SOD2: variants seen among roughly 807,000 people sequenced by gnomAD.
SOD2 encodes the protein superoxide dismutase 2, also known as superoxide dismutase [Mn], mitochondrial.
In SOD2, 11 loss-of-function variants were observed where a neutral mutation model predicts 27.0. The observed-to-expected ratio is 0.41, with a 90% CI of 0.26 to 0.67. The LOEUF is 0.67. Ranked by LOEUF, SOD2 falls within the 30% of genes least tolerant of loss-of-function variation. SOD2 has a pLI of 0.34. For synonymous variants in SOD2, 105 were observed against 103.0 expected (o/e 1.02, Z -0.12); for missense variants, 250 against 274.5 (o/e 0.91, Z 0.63).
intron 1 of SOD2, chr6:159,753,434 G>A: frequency 6.2e-7 from 1 of 1,614,128 alleles, no homozygotes; most frequent in Non-Finnish European, 8.5e-7. Context: ...TCTTCATTTT[G>A]TGATGGATGG....
chr6:159,685,100 T>C (rs1022389150), intron 3 of SOD2, 67 bp from the exon 4 acceptor site: 4 of 1,106,504 alleles, frequency 3.6e-6, no homozygotes, highest in East Asian at 5.7e-5. Context: ...TAAAATGTTA[T>C]ATTACATGTA....
In SOD2 at chr6:159,712,201, GATCACCATAACCACCTCCATA is replaced by G. The variant is rs1777808920; in HGVS notation, c.-116+14907_-116+14927del. On this transcript the variant is annotated intron_variant, in intron 1 of 2. Transcript: ENST00000401980. ...CCACAACCACCACCCACATTGCTCT[GATCACCATAACCACCTCCATA>G]ACCACCACTCACATTGCTCTGATCA... is the stretch of plus-strand genomic sequence containing the variant. 1.7e-5 allele frequency among the ~76,000 whole-genome samples: 2 copies of G among 117,982 alleles called. 1 individual carries two copies. The highest frequency in any genetic ancestry group is 3.7e-5 in the Non-Finnish European group (2 of 54,224). The allele number at this position is 117,982 out of a possible 152,430, so 77.4% of individuals were successfully genotyped here. A position where few individuals can be genotyped will look rare whatever the true frequency, so the allele number is the denominator to read the frequency against.
exon 1 of SOD2, chr6:159,727,340 G>A: frequency 7.9e-7 from 1 of 1,270,686 alleles, no homozygotes; most frequent in Non-Finnish European, 1.0e-6. Flanking sequence ...TCCTGTGAGT[G>A]GGCCAGAAGG....
At chr6:159,702,516 A>G (rs1777539664) in intron 1 of SOD2, among the ~76,000 whole-genome samples, 1 of 150,956 alleles carries the variant, frequency 6.6e-6, no homozygotes, top group Non-Finnish European at 1.5e-5. Context: ...GCTGGTCTCA[A>G]CCTCCCAACC....
chr6:159,718,164 T>A (rs973527325), intron 1 of SOD2, among the ~76,000 whole-genome samples: 15 of 152,060 alleles, frequency 9.9e-5, no homozygotes, highest in South Asian at 4.2e-4. Context: ...GGCTAATTTT[T>A]ATTTTTTTGT....
chr6:159,751,696 C>G (rs896334928), intron 1 of SOD2, among the ~76,000 whole-genome samples: 4 of 152,156 alleles, frequency 2.6e-5, no homozygotes, highest in South Asian at 4.1e-4. Context: ...GCAGTAGTAA[C>G]CCAGGTTGAA....
exon 1 of SOD2, chr6:159,761,293 G>C (rs531237981): frequency 3.9e-6 from 1 of 257,820 alleles, no homozygotes; most frequent in African/African-American, 2.3e-5. Flanking sequence ...TATGAACTTT[G>C]CCCAGTAAGA....
chr6:159,719,883 C>T (rs951530002), intron 1 of SOD2, among the ~76,000 whole-genome samples: 1 of 151,502 alleles, frequency 6.6e-6, no homozygotes, highest in Non-Finnish European at 1.5e-5. Context: ...CCACCATACC[C>T]GGCTAATTTT....
intron 1 of SOD2, among the ~76,000 whole-genome samples, chr6:159,738,043 A>G (rs1215865108): frequency 6.6e-6 from 1 of 152,224 alleles, no homozygotes; most frequent in African/African-American, 2.4e-5. Flanking sequence ...TGTGAAAATC[A>G]GGGAATTGAC....
chr6:159,693,147 G>T lies in SOD2; in HGVS notation c.21C>A (p.Cys7Ter). 6.5e-7 allele frequency: 1 copy of T among 1,533,620 alleles called. No homozygotes were observed. Among genetic ancestry groups the T allele is most frequent in the East Asian group, 2.6e-5 (1 of 39,092 alleles). MLSRAV[C>*]GTSRQLAPVL... ...GACCGGGTCCCCTTTCTTCTCACCCGCACACTGCCCGGCTCAACATGCTGC... is the reference window on the plus strand; with the variant it reads ...GACCGGGTCCCCTTTCTTCTCACCCTCACACTGCCCGGCTCAACATGCTGC... Residue 7 changes from cysteine (C) to a stop codon, truncating the protein, a stop_gained and splice_region_variant, in exon 1 of 5, where the codon TGC (cysteine) becomes TGA (stop). Coordinates refer to ENST00000538183, the MANE Select transcript of SOD2 (RefSeq NM_000636.4). LOFTEE classifies it high-confidence loss of function.
At chr6:159,754,997 A>AT (rs780326295) in intron 1 of SOD2, 3 of 1,560,384 alleles carry the variant, frequency 1.9e-6, no homozygotes, top group Non-Finnish European at 2.6e-6. Context: ...TATAAACGAT[A>AT]TTAAAGTTGG....
intron 1 of SOD2, among the ~76,000 whole-genome samples, chr6:159,754,706 G>A (rs1177770459): frequency 4.6e-5 from 7 of 152,076 alleles, no homozygotes; most frequent in African/African-American, 1.4e-4. Context: ...TTGTTTGGGG[G>A]ATAATGACAA....
At chr6:159,757,132 TTAAG>T (rs751694966) in intron 1 of SOD2, among the ~76,000 whole-genome samples, 1 of 152,146 alleles carries the variant, frequency 6.6e-6, no homozygotes, top group Admixed American at 6.5e-5. Flanking sequence ...TCAGAGGTAA[TTAAG>T]TATAAAAGTA....
intron 1 of SOD2, among the ~76,000 whole-genome samples, chr6:159,709,912 A>G (rs1321134933): frequency 6.6e-6 from 1 of 152,116 alleles, no homozygotes; most frequent in Non-Finnish European, 1.5e-5. Flanking sequence ...TGTGGCATAT[A>G]TACACCATGG....
chr6:159,720,142 T>C (rs894610304), intron 1 of SOD2, among the ~76,000 whole-genome samples: 2 of 151,990 alleles, frequency 1.3e-5, no homozygotes, highest in South Asian at 2.1e-4. Flanking sequence ...GCGAATCTCC[T>C]GTCTCATCCT....
upstream of SOD2, among the ~76,000 whole-genome samples, chr6:159,728,430 CA>C (rs57022984): frequency 4.0e-5 from 6 of 151,722 alleles, no homozygotes; most frequent in Admixed American, 2.0e-4. Flanking sequence ...CAAAACAAAA[CA>C]AAAAAACTAT....
intron 4 of SOD2, among the ~76,000 whole-genome samples, chr6:159,683,441 C>T (rs1253710939): frequency 6.6e-6 from 1 of 152,082 alleles, no homozygotes; most frequent in Non-Finnish European, 1.5e-5. Flanking sequence ...GCCAAGATTG[C>T]GCCACTGCAC....
At position 159,671,710 on chromosome 6, in the gene SOD2, T is replaced by G. The variant is rs1562409031; in HGVS notation, c.*10783A>C. 6.6e-6 allele frequency: 1 copy of G among 152,216 alleles called. No individual in the cohort carries two copies. The highest frequency in any genetic ancestry group is 1.9e-4 in the East Asian group (1 of 5,182). 9.4% of individuals were successfully genotyped at this position (152,216 alleles called of 1,614,324 possible). On this transcript the variant is annotated 3_prime_UTR_variant, in exon 5 of 5. Transcript: ENST00000538183. ...CTCTCCCCCTCCAAAGGAACATAGC[T>G]CCTTGCCAGCAACAGAACAAAGCTG...
intron 1 of SOD2, among the ~76,000 whole-genome samples, chr6:159,718,139 C>T (rs878996976): frequency 1.7e-4 from 26 of 151,976 alleles, no homozygotes; most frequent in Admixed American, 7.9e-4. Flanking sequence ...ACTATAGGCG[C>T]ACACCACCAT....
Sources: allele counts gnomAD v4.1 joint callset (sites outside exome capture counted in the v4.1 genomes callset), GRCh38; gene constraint gnomAD v4.1.1; transcripts MANE v1.5; gene names NCBI Gene and HGNC (gene_info 2026-07-23, HGNC 2026-07-21).